Variants in MALRD1 observed in about 807,000 individuals in gnomAD.
MALRD1 encodes the protein MAM and LDL-receptor class A domain-containing protein 1.
Under a neutral mutation model 242.1 loss-of-function variants are expected in MALRD1, and 247 were observed. The ratio of observed to expected loss-of-function variants is 1.02; its 90% CI spans 0.92 to 1.13. MALRD1 has a LOEUF of 1.13. MALRD1 is among the 50% of genes most tolerant of loss of function. MALRD1 has a pLI of 0.00. For missense variants in MALRD1, 2,989 were observed against 2,533.1 expected (o/e 1.18, Z -3.86); for synonymous variants, 995 against 866.6 (o/e 1.15, Z -2.60).
chr10:19,168,469 A>G (rs1834791725), intron 13 of MALRD1, among the ~76,000 whole-genome samples: 2 of 152,220 alleles, frequency 1.3e-5, no homozygotes, highest in African/African-American at 4.8e-5. Flanking sequence ...TCTAGCAGTA[A>G]GTAATTTAGA....
At chr10:19,559,614 G>A (rs1480759247) in intron 32 of MALRD1, among the ~76,000 whole-genome samples, 1 of 151,968 alleles carries the variant, frequency 6.6e-6, no homozygotes, top group Non-Finnish European at 1.5e-5. Flanking sequence ...CAAAAGCAAT[G>A]GCAACAAAGA....
Position 19,350,226 on chromosome 10 carries a change from G to C in MALRD1, c.4150-1780G>C, listed in dbSNP as rs180965309. 2.8e-3 allele frequency among the ~76,000 whole-genome samples: 431 copies of C among 151,460 alleles called. 3 individuals carry two copies. The highest frequency in any genetic ancestry group is 9.7e-3 in the African/African-American group (400 of 41,294). ...GTATATAGGAAGGATCCATGTAGAG[G>C]GTGATGAGAGAAGAGATGAGACCTT... is the stretch of plus-strand genomic sequence containing the variant. On this transcript the variant is annotated intron_variant, in intron 25 of 39. Transcript: ENST00000454679.
intron 7 of MALRD1, 127 bp downstream of exon 7, chr10:19,124,797 G>A (rs1837194342): frequency 1.3e-6 from 1 of 747,042 alleles, no homozygotes; most frequent in African/African-American, 1.8e-5. Context: ...AATACATTCT[G>A]CCAAAGGAGC....
intron 32 of MALRD1, among the ~76,000 whole-genome samples, chr10:19,537,060 G>A (rs541572392): frequency 1.1e-3 from 160 of 152,260 alleles, no homozygotes; most frequent in Non-Finnish European, 2.0e-3. Context: ...TAGAAATTTC[G>A]AGGGCTGGCA....
chr10:19,464,486 T>C (rs1381525263), intron 29 of MALRD1, among the ~76,000 whole-genome samples: 2 of 152,170 alleles, frequency 1.3e-5, no homozygotes, highest in East Asian at 3.8e-4. Flanking sequence ...CTAATTTATG[T>C]TTTTGCTTGC....
intron 32 of MALRD1, among the ~76,000 whole-genome samples, chr10:19,539,899 C>T (rs55859558): frequency 0.35 from 23,557 of 67,630 alleles, 2,664 homozygotes; most frequent in Non-Finnish European, 0.39. Context: ...TGTGTGTGTG[C>T]GCGCGCGCGT....
intron 26 of MALRD1, among the ~76,000 whole-genome samples, chr10:19,372,712 C>T (rs1486407323): frequency 6.6e-6 from 1 of 152,164 alleles, no homozygotes; most frequent in African/African-American, 2.4e-5. Context: ...AAGTGTTCCA[C>T]CTGCCTCGGC....
In MALRD1 at chr10:19,246,928, G is replaced by A. The variant is rs142141086; in HGVS notation, c.2992-10756G>A. Among the ~76,000 whole-genome samples, 312 of 152,128 alleles carry A rather than the reference G, an allele frequency of 2.1e-3. 2 individuals carry two copies. The highest frequency in any genetic ancestry group is 6.4e-3 in the African/African-American group (267 of 41,514). Reference sequence around the variant, plus strand: ...TCACTTAGCTTAATATGAATGTGTGGCTCTATACAAGAGTGTGTTTCTTTT... The same window carrying A: ...TCACTTAGCTTAATATGAATGTGTGACTCTATACAAGAGTGTGTTTCTTTT... On this transcript the variant is annotated intron_variant, in intron 18 of 39. Transcript: ENST00000454679.
intron 18 of MALRD1, among the ~76,000 whole-genome samples, chr10:19,246,734 GA>G (rs1217701599): frequency 2.0e-5 from 3 of 152,126 alleles, no homozygotes; most frequent in Non-Finnish European, 4.4e-5. Flanking sequence ...AATGCAGTGA[GA>G]ATGGTTTTGA....
At chr10:19,259,206 G>T (rs1381053795) in intron 19 of MALRD1, among the ~76,000 whole-genome samples, 1 of 152,042 alleles carries the variant, frequency 6.6e-6, no homozygotes, top group Non-Finnish European at 1.5e-5. Flanking sequence ...TAGCTTCCAA[G>T]GAATAAATGA....
At chr10:19,454,714 A>G (rs1235817653) in intron 29 of MALRD1, among the ~76,000 whole-genome samples, 2 of 30,268 alleles carry the variant, frequency 6.6e-5, no homozygotes, top group East Asian at 6.3e-4. Flanking sequence ...GTGCACACGT[A>G]CACACACACA....
chr10:19,474,724 G>C (rs1289767651), intron 29 of MALRD1, among the ~76,000 whole-genome samples: 1 of 151,842 alleles, frequency 6.6e-6, no homozygotes, highest in Non-Finnish European at 1.5e-5. Context: ...TGCTGGCCAA[G>C]GATGAAAACA....
At chr10:19,271,727 C>A (rs2131850217) in intron 19 of MALRD1, among the ~76,000 whole-genome samples, 1 of 152,288 alleles carries the variant, frequency 6.6e-6, no homozygotes, top group Middle Eastern at 3.4e-3. Context: ...CTCACCACTG[C>A]ACTCCATCCT....
intron 20 of MALRD1, among the ~76,000 whole-genome samples, chr10:19,281,962 C>CA (rs1320022344): frequency 1.3e-5 from 1 of 74,842 alleles, no homozygotes; most frequent in Non-Finnish European, 2.7e-5. Flanking sequence ...GACGATGTCT[C>CA]CAAAAAAAAA....
At chr10:19,595,052 A>T (rs535754260) in intron 33 of MALRD1, 142 bp from the exon 34 acceptor site, 1 of 786,144 alleles carries the variant, frequency 1.3e-6, no homozygotes, top group Non-Finnish European at 2.0e-6. Flanking sequence ...TGTAGGCATC[A>T]TATTAATCCT....
intron 18 of MALRD1, among the ~76,000 whole-genome samples, chr10:19,225,789 T>C (rs2131678134): frequency 6.6e-6 from 1 of 152,340 alleles, no homozygotes; most frequent in African/African-American, 2.4e-5. Flanking sequence ...TTTATTATCA[T>C]GTGCAGTACT....
intron 29 of MALRD1, among the ~76,000 whole-genome samples, chr10:19,460,380 G>A (rs1835881103): frequency 6.6e-6 from 1 of 150,736 alleles, no homozygotes; most frequent in South Asian, 2.1e-4. Flanking sequence ...ATTAAGCCAG[G>A]ACTAGAAACC....
At chr10:19,687,910 A>ATGTT (rs1485431938) in intron 36 of MALRD1, among the ~76,000 whole-genome samples, 2 of 137,384 alleles carry the variant, frequency 1.5e-5, no homozygotes, top group African/African-American at 5.5e-5. Context: ...TTATTTTTTT[A>ATGTT]ATGTTATGTT....
At chr10:19,721,505 A>G (rs1037400748) in intron 38 of MALRD1, 1 of 152,164 alleles carries the variant, frequency 6.6e-6, no homozygotes, top group Non-Finnish European at 1.5e-5. Context: ...ATCCTTTAAA[A>G]AAAAAAAGTC....
Sources: gnomAD v4.1 joint callset for allele counts (sites outside exome capture counted in the v4.1 genomes callset) on GRCh38, gnomAD v4.1.1 for gene constraint, MANE v1.5 for transcripts, NCBI Gene and HGNC (gene_info 2026-07-23, HGNC 2026-07-21) for gene names.